The following CSMD1 variants were observed in gnomAD, a reference collection of about 807,000 sequenced individuals.
CSMD1 encodes the protein CUB and Sushi multiple domains 1.
CSMD1 carries 213 observed loss-of-function variants against 417.5 expected under a neutral mutation model. The observed-to-expected ratio is 0.51, with a 90% CI of 0.46 to 0.57. The LOEUF (loss-of-function observed/expected upper bound fraction) is 0.57, where lower values mean the gene tolerates loss of function less well. Ranked by LOEUF, CSMD1 falls within the 20% of genes least tolerant of loss-of-function variation. The pLI, the probability that CSMD1 is intolerant of heterozygous loss-of-function variation, is 0.00. For synonymous variants in CSMD1, 2,862 were observed against 1,736.8 expected (o/e 1.65, Z -16.11); for missense variants, 6,923 against 4,529.7 (o/e 1.53, Z -15.17).
At chr8:4,452,405 G>A (rs975943026) in intron 2 of CSMD1, among the ~76,000 whole-genome samples, 1 of 152,198 alleles carries the variant, frequency 6.6e-6, no homozygotes, top group Non-Finnish European at 1.5e-5. Context: ...GGGTTCAGAG[G>A]TTCATGTTCT....
chr8:4,537,147 G>C (rs962636237), intron 2 of CSMD1, among the ~76,000 whole-genome samples: 1 of 152,030 alleles, frequency 6.6e-6, no homozygotes, highest in Non-Finnish European at 1.5e-5. Flanking sequence ...ATTACAATTT[G>C]GGTCCTCTTG....
At chr8:4,144,142 T>A (rs1803967681) in intron 3 of CSMD1, among the ~76,000 whole-genome samples, 1 of 151,076 alleles carries the variant, frequency 6.6e-6, no homozygotes, top group South Asian at 2.1e-4. Context: ...GACCCAGATG[T>A]TTCCCTTCTG....
At chr8:4,933,108 T>C (rs1807354581) in intron 1 of CSMD1, among the ~76,000 whole-genome samples, 2 of 152,228 alleles carry the variant, frequency 1.3e-5, no homozygotes, top group Non-Finnish European at 2.9e-5. Context: ...TCACCTTACA[T>C]ACTTGTATGG....
rs77632603 is a variant in CSMD1, at chr8:4,840,497, T to C, written c.85+153835A>G. 1.8e-3 allele frequency among the ~76,000 whole-genome samples: 269 copies of C among 152,294 alleles called. 4 individuals carry two copies. The East Asian group carries it at 0.044, about 25-fold the overall frequency. On this transcript the variant is annotated intron_variant, in intron 1 of 69. Transcript: ENST00000635120. ...AGGTCTTTTGTTTTATTCGATGAAG[T>C]AAATTAAGTTATGGTGGTGAGACTT...
At chr8:3,151,012 T>C (rs766034129) in intron 40 of CSMD1, among the ~76,000 whole-genome samples, 5 of 151,946 alleles carry the variant, frequency 3.3e-5, no homozygotes, top group Non-Finnish European at 7.4e-5. Flanking sequence ...TTAAAAGGAG[T>C]CATAACCTTT....
At chr8:3,907,691 G>C (rs1417027563) in intron 5 of CSMD1, among the ~76,000 whole-genome samples, 1 of 152,184 alleles carries the variant, frequency 6.6e-6, no homozygotes, top group Non-Finnish European at 1.5e-5. Flanking sequence ...TGAGAGCAAT[G>C]TGGACTTCTG....
chr8:4,920,412 C>G (rs189877254), intron 1 of CSMD1, among the ~76,000 whole-genome samples: 19 of 152,300 alleles, frequency 1.2e-4, no homozygotes, highest in African/African-American at 4.6e-4. Context: ...GGAATTCACT[C>G]ATATCTTGAA....
intron 6 of CSMD1, among the ~76,000 whole-genome samples, chr8:3,742,728 G>A (rs1054367988): frequency 2.0e-5 from 3 of 152,078 alleles, no homozygotes; most frequent in African/African-American, 7.2e-5. Context: ...CAGAGAGAGA[G>A]AGAGAGAGAA....
chr8:4,214,112 GTTTT>G (rs566107904), intron 3 of CSMD1, among the ~76,000 whole-genome samples: 1 of 151,660 alleles, frequency 6.6e-6, no homozygotes, highest in Non-Finnish European at 1.5e-5. Context: ...TTTCATTCCA[GTTTT>G]TTTGTTTGTT....
intron 2 of CSMD1, among the ~76,000 whole-genome samples, chr8:4,465,387 T>C (rs1800103227): frequency 6.6e-6 from 1 of 152,154 alleles, no homozygotes; most frequent in Non-Finnish European, 1.5e-5. Context: ...AAAACATGGT[T>C]TGAAAGTCTA....
intron 3 of CSMD1, among the ~76,000 whole-genome samples, chr8:4,160,719 G>C (rs772246019): frequency 6.6e-6 from 1 of 152,228 alleles, no homozygotes; most frequent in Non-Finnish European, 1.5e-5. Context: ...CTTGTGGCAA[G>C]TTGCAATTAT....
chr8:3,613,976 C>A (rs372226271), intron 8 of CSMD1, among the ~76,000 whole-genome samples: 1 of 151,752 alleles, frequency 6.6e-6, no homozygotes, highest in East Asian at 1.9e-4. Flanking sequence ...ATTAAAAATC[C>A]TTTTATTTGT....
intron 4 of CSMD1, among the ~76,000 whole-genome samples, chr8:4,004,527 T>C (rs551487448): frequency 6.6e-6 from 1 of 152,096 alleles, no homozygotes; most frequent in South Asian, 2.1e-4. Context: ...AATGAAAACA[T>C]AAAAATGAAG....
intron 49 of CSMD1, among the ~76,000 whole-genome samples, chr8:3,084,868 A>T (rs1403122332): frequency 1.3e-5 from 2 of 151,892 alleles, no homozygotes; most frequent in Non-Finnish European, 2.9e-5. Flanking sequence ...CACAACTTTA[A>T]TGTTCAAAAA....
Position 3,869,859 on chromosome 8 carries a change from T to A in CSMD1, c.819-115817A>T, listed in dbSNP as rs77749453. Among the ~76,000 whole-genome samples, 78 of 152,292 alleles carry A rather than the reference T, an allele frequency of 5.1e-4. 2 individuals are homozygous for A. In the East Asian group the frequency reaches 0.013, roughly 25 times the overall value. On this transcript the variant is annotated intron_variant, in intron 5 of 69. Transcript: ENST00000635120. ...TCACATTCCATGCTTTTATGAATTATCCTTACTGATCTAATTTTGTATCAG... is the reference window on the plus strand; with the variant it reads ...TCACATTCCATGCTTTTATGAATTAACCTTACTGATCTAATTTTGTATCAG...
intron 10 of CSMD1, among the ~76,000 whole-genome samples, chr8:3,533,316 G>T (rs191629916): frequency 2.0e-5 from 3 of 151,982 alleles, no homozygotes; most frequent in Admixed American, 2.0e-4. Context: ...ACTATAAACC[G>T]AGATTGTACA....
chr8:3,299,925 G>C (rs547722196), intron 25 of CSMD1, among the ~76,000 whole-genome samples: 2 of 152,078 alleles, frequency 1.3e-5, no homozygotes, highest in African/African-American at 4.8e-5. Context: ...GAGGCAATTT[G>C]GTAATGGCTA....
chr8:4,108,321 T>A (rs563824560), intron 3 of CSMD1, among the ~76,000 whole-genome samples: 1 of 152,116 alleles, frequency 6.6e-6, no homozygotes, highest in Non-Finnish European at 1.5e-5. Context: ...ATTGTAAAAA[T>A]TGGGTGTTGT....
intron 31 of CSMD1, among the ~76,000 whole-genome samples, chr8:3,202,744 C>T (rs913149356): frequency 3.3e-5 from 5 of 152,182 alleles, no homozygotes; most frequent in Non-Finnish European, 5.9e-5. Flanking sequence ...AGTAATCTAA[C>T]TGTAACAGTG....
Sources: allele counts gnomAD v4.1 joint callset (sites outside exome capture counted in the v4.1 genomes callset), GRCh38; gene constraint gnomAD v4.1.1; transcripts MANE v1.5; gene names NCBI Gene and HGNC (gene_info 2026-07-23, HGNC 2026-07-21).